The following KCNK4 variants were observed in gnomAD, a reference collection of about 807,000 sequenced individuals.
KCNK4 encodes the protein potassium two pore domain channel subfamily K member 4.
KCNK4 carries 22 observed loss-of-function variants against 28.8 expected under a neutral mutation model. The observed-to-expected ratio is 0.76, with a 90% confidence interval of 0.55 to 1.09. KCNK4 has a LOEUF of 1.09. Among genes scored for constraint, KCNK4 ranks in the 50% least tolerant of loss-of-function variants. The probability of loss-of-function intolerance (pLI) is 0.00; values close to 1 mark genes in which losing one functional copy is unlikely to be tolerated. For synonymous variants in KCNK4, 263 were observed against 252.9 expected, an observed-to-expected ratio of 1.04 and a Z score of -0.38; for missense variants, 483 against 546.3, an observed-to-expected ratio of 0.88 and a Z score of 1.15.
intron 2 of KCNK4, 158 bp from the exon 3 acceptor site, chr11:64,296,720 G>T (rs1468286177): frequency 1.7e-6 from 1 of 594,474 alleles, no homozygotes; most frequent in East Asian, 3.3e-5. Flanking sequence ...GACCCAGTTT[G>T]TATCTTCTGC....
chr11:64,298,608 G>A (rs2034837847), intron 6 of KCNK4, among the ~76,000 whole-genome samples: 1 of 152,152 alleles, frequency 6.6e-6, no homozygotes, highest in South Asian at 2.1e-4. Context: ...CTTGAGCCAG[G>A]GGAGGTCGAG....
rs2034679030 is a variant in KCNK4, at chr11:64,293,086, T to G, written c.68T>G (p.Val23Gly). ...VLLYLVSGALVFRALEQPHEQ... is the reference protein window; with the variant it reads ...VLLYLVSGALGFRALEQPHEQ... Reference sequence around the variant, plus strand: ...CTTTACTTGGTGTCTGGTGCCCTGGTGTTCCGGGCCCTGGAGCAGCCCCAC... The same window carrying G: ...CTTTACTTGGTGTCTGGTGCCCTGGGGTTCCGGGCCCTGGAGCAGCCCCAC... The change falls in exon 2 of 7, where the codon GTG becomes GGG. Residue 23 changes from valine (V) to glycine (G), a missense_variant. Physicochemically the swap from Val to Gly is moderately radical, Grantham distance 109. Coordinates refer to ENST00000422670, the MANE Select transcript of KCNK4 (RefSeq NM_033310.3). The G allele has an allele frequency of 1.3e-6, 2 of 1,548,648 alleles. No homozygotes were observed. The highest frequency in any genetic ancestry group is 1.7e-6 in the Non-Finnish European group (2 of 1,145,970).
In KCNK4 at chr11:64,293,005, C is replaced by T. The variant is rs1489845312; in HGVS notation, c.-14C>T. The T allele has an allele frequency of 7.2e-6, 11 of 1,535,120 alleles. No individual in the cohort carries two copies. In the Admixed American group the frequency reaches 1.8e-4, roughly 25 times the overall value. On this transcript the variant is annotated 5_prime_UTR_variant, in exon 2 of 7. Coordinates refer to ENST00000422670, the MANE Select transcript of KCNK4 (RefSeq NM_033310.3). ...CAGGCGGGCAGTGGAGCTGGCCCGG[C>T]GCCTGGGCGCGCCATGCGCAGCACC...
In KCNK4 at chr11:64,299,872, C is replaced by T. The variant is rs1208634745; in HGVS notation, c.*146C>T. ...TGCCTCTCCGCCTCCTCCCTGGCCC[C>T]GGCCCTTCCCTCACTTCCATCCATC... is the stretch of plus-strand genomic sequence containing the variant. On this transcript the variant is annotated 3_prime_UTR_variant, in exon 7 of 7. Transcript: ENST00000422670. 2.7e-6 allele frequency: 4 copies of T among 1,465,344 alleles called. No individual in the cohort carries two copies. Among genetic ancestry groups the T allele is most frequent in the Middle Eastern group, 1.7e-4 (1 of 5,778 alleles). 90.8% of individuals were successfully genotyped at this position (1,465,344 alleles called of 1,614,324 possible).
At position 64,293,541 on chromosome 11, in the gene KCNK4, C is replaced by T. The variant is rs143771436; in HGVS notation, c.189+334C>T. ...TTACATTTGCACAGGTCTCACTCAC[C>T]GGTCTAGATTGCCACACAAAATCCA... On this transcript the variant is annotated intron_variant, in intron 2 of 6. Transcript: ENST00000422670. Among the ~76,000 whole-genome samples, 407 of 152,228 alleles carry T rather than the reference C, an allele frequency of 2.7e-3. 1 individual carries two copies. Among genetic ancestry groups the T allele is most frequent in the African/African-American group, 9.3e-3 (388 of 41,514 alleles).
chr11:64,296,783 C>G (rs1369401911), intron 2 of KCNK4, 95 bp from the exon 3 acceptor site: 2 of 1,316,918 alleles, frequency 1.5e-6, no homozygotes, highest in Non-Finnish European at 1.0e-6. Flanking sequence ...CAGGGAGGAG[C>G]AGGGAAGGAG....
chr11:64,298,061 G>A (rs1390204305), intron 5 of KCNK4, 49 bp from the exon 6 acceptor site: 2 of 1,597,598 alleles, frequency 1.3e-6, no homozygotes, highest in South Asian at 1.1e-5. Flanking sequence ...AGAGCTCACA[G>A]GCTTGCCCCA....
chr11:64,293,374 A>G (rs896866565), intron 2 of KCNK4, among the ~76,000 whole-genome samples, 167 bp downstream of exon 2: 5 of 152,110 alleles, frequency 3.3e-5, no homozygotes, highest in Non-Finnish European at 4.4e-5. Flanking sequence ...TGTGTTTTCA[A>G]TAGGGCAACT....
chr11:64,297,320 C>T (rs184790385), intron 4 of KCNK4, 41 bp downstream of exon 4: 22 of 1,588,238 alleles, frequency 1.4e-5, no homozygotes, highest in Admixed American at 8.6e-5. Context: ...TGCTGGGCTC[C>T]GGCTACCCTT....
At chr11:64,297,426 G>A (rs2135232220) in intron 4 of KCNK4, 41 bp from the exon 5 acceptor site, 1 of 1,607,774 alleles carries the variant, frequency 6.2e-7, no homozygotes, top group Non-Finnish European at 8.5e-7. Flanking sequence ...AGTGGGGATT[G>A]TTGGTGTCTC....
intron 2 of KCNK4, 97 bp from the exon 3 acceptor site, chr11:64,296,781 A>G: frequency 7.8e-7 from 1 of 1,287,008 alleles, no homozygotes; most frequent in Non-Finnish European, 1.0e-6. Context: ...AACAGGGAGG[A>G]GCAGGGAAGG....
rs202162247 is a variant in KCNK4 at position 64,293,111 on chromosome 11, C to G, written c.93C>G (p.His31Gln). 3.2e-6 allele frequency: 5 copies of G among 1,547,526 alleles called. No individual in the cohort carries two copies. The highest frequency in any genetic ancestry group is 4.4e-6 in the Non-Finnish European group (5 of 1,145,342). The change falls in exon 2 of 7, where the codon CAC becomes CAG. Residue 31 changes from histidine to glutamine, a missense_variant. Physicochemically the swap from His to Gln is conservative, Grantham distance 24 (BLOSUM62 0). Transcript: ENST00000422670. ...TGTTCCGGGCCCTGGAGCAGCCCCA[C>G]GAGCAGCAGGCCCAGAGGGAGCTGG... ...ALVFRALEQP[H>Q]EQQAQRELGE... is the part of the protein sequence containing the mutation.
intron 2 of KCNK4, 61 bp from the exon 3 acceptor site, chr11:64,296,817 A>T: frequency 6.8e-7 from 1 of 1,468,890 alleles, no homozygotes. Flanking sequence ...TGGAGGGGCC[A>T]CGAGTTGCCC....
chr11:64,299,827 T>A lies in KCNK4; in HGVS notation c.*101T>A, dbSNP rs1198478671. The stretch of plus-strand genomic sequence containing the variant: ...GAGCCCTCTTTCCACGAGACTGAAG[T>A]CTGGGGAGGAGGCTACAGTTGCCTC... On this transcript the variant is annotated 3_prime_UTR_variant, in exon 7 of 7. Transcript: ENST00000422670. The A allele has an allele frequency of 6.5e-7, 1 of 1,534,504 alleles. No homozygotes were observed. The highest frequency in any genetic ancestry group is 8.7e-7 in the Non-Finnish European group (1 of 1,146,092).
chr11:64,297,128 A>C lies in KCNK4; in HGVS notation c.323A>C (p.Asn108Thr). 12 of 1,614,066 alleles carry C rather than the reference A, an allele frequency of 7.4e-6. No individual in the cohort carries two copies. The highest frequency in any genetic ancestry group is 1.0e-5 in the Non-Finnish European group (12 of 1,180,008). Reference protein sequence around the residue: ...GTIITTIGYGNVALRTDAGRL... With the variant: ...GTIITTIGYGTVALRTDAGRL... ...TCGCCCCTCTGCCCAGGCTATGGCA[A>C]TGTGGCCCTGCGCACAGATGCCGGG... The change falls in exon 4 of 7, where the codon AAT becomes ACT. Residue 108 changes from asparagine (N) to threonine (T), a missense_variant. By Grantham distance (65) the Asn-to-Thr change is moderately conservative. Transcript: ENST00000422670.
intron 2 of KCNK4, among the ~76,000 whole-genome samples, chr11:64,294,860 G>A (rs891232809): frequency 6.7e-6 from 1 of 150,294 alleles, no homozygotes; most frequent in Non-Finnish European, 1.5e-5. Flanking sequence ...TCAGAGAGGC[G>A]TGGGAAGAAT....
intron 2 of KCNK4, among the ~76,000 whole-genome samples, chr11:64,293,782 G>A (rs1177525007): frequency 6.6e-6 from 1 of 152,070 alleles, no homozygotes; most frequent in African/African-American, 2.4e-5. Context: ...TGTGTTTTTA[G>A]TAGAGATGGG....
rs1156576475 is a variant in KCNK4, at chr11:64,299,462, A to G, written c.918A>G (p.Pro306=). 9.4e-6 allele frequency: 15 copies of G among 1,603,680 alleles called. No individual in the cohort carries two copies. The highest frequency in any genetic ancestry group is 1.3e-5 in the Non-Finnish European group (15 of 1,176,822). Residue 306 remains proline, a synonymous_variant, in exon 7 of 7, where the codon CCA becomes CCG. Coordinates refer to ENST00000422670, the MANE Select transcript of KCNK4 (RefSeq NM_033310.3). ...PPEKEQPLLP[P]PPCPAQPLGR... is the part of the protein sequence containing the mutation. ...AGAAGGAGCAGCCACTGCTGCCTCC[A>G]CCGCCCTGTCCAGCGCAGCCGCTGG...
intron 2 of KCNK4, among the ~76,000 whole-genome samples, chr11:64,294,263 A>G (rs986839861): frequency 6.6e-6 from 1 of 152,134 alleles, no homozygotes; most frequent in Non-Finnish European, 1.5e-5. Flanking sequence ...TATGCCTGTA[A>G]TCCTAGCACT....
Sources: allele counts gnomAD v4.1 joint callset (sites outside exome capture counted in the v4.1 genomes callset), GRCh38; gene constraint gnomAD v4.1.1; transcripts MANE v1.5; gene names NCBI Gene and HGNC (gene_info 2026-07-23, HGNC 2026-07-21).